Variants in SWT1 observed in about 807,000 individuals in gnomAD.
The protein encoded by SWT1 is SWT1 RNA endoribonuclease homolog, also known as transcriptional protein SWT1.
In SWT1, 33 loss-of-function variants were observed where a neutral mutation model predicts 107.3. The observed-to-expected ratio is 0.31, with a 90% CI of 0.23 to 0.41. The LOEUF (loss-of-function observed/expected upper bound fraction) is 0.41, where lower values mean the gene tolerates loss of function less well. Among genes scored for constraint, SWT1 ranks in the 10% least tolerant of loss-of-function variants. The probability of loss-of-function intolerance (pLI) is 1.00; values close to 1 mark genes in which losing one functional copy is unlikely to be tolerated. For synonymous variants in SWT1, 345 were observed against 348.3 expected, an observed-to-expected ratio of 0.99 and a Z score of 0.11; for missense variants, 898 against 1,028.9, an observed-to-expected ratio of 0.87 and a Z score of 1.74.
In SWT1 at chr1:185,186,381, G is replaced by A. The variant is rs530418511; in HGVS notation, c.1429+1450G>A. On this transcript the variant is annotated intron_variant, in intron 9 of 18. Coordinates refer to ENST00000367500, the MANE Select transcript of SWT1 (RefSeq NM_017673.7). ...AAGAGCAGTATTTAGCAATGTGCTT[G>A]AATAAGCCTAAGGATAATAATTGTC... Among the ~76,000 whole-genome samples the A allele has an allele frequency of 2.6e-5, 4 of 152,256 alleles. No homozygotes were observed. The East Asian group carries it at 7.7e-4, about 29-fold the overall frequency.
chr1:185,261,372 TG>T (rs1558085643), intron 16 of SWT1, among the ~76,000 whole-genome samples: 1 of 152,232 alleles, frequency 6.6e-6, no homozygotes, highest in African/African-American at 2.4e-5. Context: ...TTCCATTATA[TG>T]TGTATACCAC....
chr1:185,160,014 C>A (rs577228080), intron 1 of SWT1, among the ~76,000 whole-genome samples: 1 of 152,250 alleles, frequency 6.6e-6, no homozygotes, highest in East Asian at 1.9e-4. Context: ...AGCCGTGGTG[C>A]CCAGCCACAA....
chr1:185,285,428 T>C (rs1350397369), intron 18 of SWT1, among the ~76,000 whole-genome samples: 1 of 152,234 alleles, frequency 6.6e-6, no homozygotes, highest in Non-Finnish European at 1.5e-5. Context: ...CAACATGTTA[T>C]ATATTCTGGA....
intron 16 of SWT1, among the ~76,000 whole-genome samples, chr1:185,258,728 TTTCAAGA>T (rs1469994328): frequency 2.0e-5 from 3 of 152,248 alleles, no homozygotes; most frequent in Non-Finnish European, 4.4e-5. Context: ...TCCTGAATGC[TTTCAAGA>T]TTTTTCTCTG....
intron 2 of SWT1, among the ~76,000 whole-genome samples, chr1:185,165,727 C>A (rs929794764): frequency 6.6e-6 from 1 of 152,234 alleles, no homozygotes; most frequent in African/African-American, 2.4e-5. Flanking sequence ...ATCCCATCCC[C>A]CTGACACTCT....
chr1:185,184,251 ACTT>A lies in SWT1; in HGVS notation c.1149_1151del (p.Ser384del). The stretch of plus-strand genomic sequence containing the variant: ...TTGCTCTTTTTCTTTAGCAAATAAT[ACTT>A]CAGACAGAAAGCTTCTAATTGTTAT... On this transcript the variant is annotated inframe_deletion, in exon 8 of 19. Transcript: ENST00000367500. 6.6e-7 allele frequency: 1 copy of A among 1,516,488 alleles called. No homozygotes were observed. Among genetic ancestry groups the A allele is most frequent in the Non-Finnish European group, 9.0e-7 (1 of 1,109,310 alleles). 93.9% of individuals were successfully genotyped at this position (1,516,488 alleles called of 1,614,324 possible).
At chr1:185,185,283 G>A (rs1482640399) in intron 9 of SWT1, among the ~76,000 whole-genome samples, 1 of 152,154 alleles carries the variant, frequency 6.6e-6, no homozygotes. Flanking sequence ...ACCATATGCA[G>A]TTAATGTACT....
chr1:185,226,642 T>C lies in SWT1; in HGVS notation c.2309+4606T>C, dbSNP rs1242866367. Among the ~76,000 whole-genome samples the C allele has an allele frequency of 5.9e-5, 9 of 152,138 alleles. No individual in the cohort carries two copies. The East Asian group carries it at 1.7e-3, about 29-fold the overall frequency. Reference sequence around the variant, plus strand: ...TCTTTTCTACTTACAAGGAATTTAGTTAAGTGTTAGATACTACTGATTCAA... The same window carrying C: ...TCTTTTCTACTTACAAGGAATTTAGCTAAGTGTTAGATACTACTGATTCAA... On this transcript the variant is annotated intron_variant, in intron 15 of 18. Coordinates refer to ENST00000367500, the MANE Select transcript of SWT1 (RefSeq NM_017673.7).
chr1:185,194,335 C>T lies in SWT1; in HGVS notation c.1523+3693C>T, dbSNP rs530519301. ...CAAATAATTTTCTATTTGTTTTGTT[C>T]CATCTGTGCTTTTCTTCCTTTTTCT... On this transcript the variant is annotated intron_variant, in intron 10 of 18. Coordinates refer to ENST00000367500, the MANE Select transcript of SWT1 (RefSeq NM_017673.7). Among the ~76,000 whole-genome samples the T allele has an allele frequency of 1.3e-5, 2 of 151,782 alleles. 1 individual carries two copies. The highest frequency in any genetic ancestry group is 4.2e-4 in the South Asian group (2 of 4,816).
chr1:185,196,226 C>T (rs913725328), intron 10 of SWT1, among the ~76,000 whole-genome samples: 1 of 152,162 alleles, frequency 6.6e-6, no homozygotes, highest in Non-Finnish European at 1.5e-5. Context: ...GCCAGTTTTC[C>T]CAACACCATT....
intron 11 of SWT1, among the ~76,000 whole-genome samples, chr1:185,204,090 G>A (rs549403501): frequency 6.6e-6 from 1 of 152,302 alleles, no homozygotes; most frequent in Non-Finnish European, 1.5e-5. Context: ...TTTTAAAGGA[G>A]GAGGGCATGA....
intron 16 of SWT1, chr1:185,262,361 C>T (rs1663078865): frequency 6.6e-6 from 1 of 152,224 alleles, no homozygotes; most frequent in Non-Finnish European, 1.5e-5. Flanking sequence ...GCAGTACCAG[C>T]ATCCCAAGTA....
chr1:185,235,774 C>T (rs1251872160), intron 16 of SWT1, among the ~76,000 whole-genome samples: 2 of 152,176 alleles, frequency 1.3e-5, no homozygotes, highest in Non-Finnish European at 2.9e-5. Flanking sequence ...TCTCCGTTTG[C>T]AGATGACATG....
At chr1:185,281,433 AC>A (rs1664610357) in intron 18 of SWT1, 1 of 209,654 alleles carries the variant, frequency 4.8e-6, no homozygotes, top group Non-Finnish European at 9.9e-6. Flanking sequence ...CAAAGACACT[AC>A]CGTGGGTACT....
rs146160289 is a variant in SWT1 at position 185,171,663 on chromosome 1, T to G, written c.225-2709T>G. ...TCAAGAGTGAACTTCAGAACCTGCT[T>G]CTTTTTTTTTTGCCCCCCTTTACCA... On this transcript the variant is annotated intron_variant, in intron 4 of 18. Transcript: ENST00000367500. 1,702 of 523,546 alleles carry G rather than the reference T, an allele frequency of 3.3e-3. 24 individuals are homozygous for G. The highest frequency in any genetic ancestry group is 0.03 in the African/African-American group (1,554 of 51,630). The allele number at this position is 523,546 out of a possible 1,614,324, so 32.4% of individuals were successfully genotyped here. A position where few individuals can be genotyped will look rare whatever the true frequency, so the allele number is the denominator to read the frequency against.
At chr1:185,268,225 A>G (rs1663546863) in intron 16 of SWT1, among the ~76,000 whole-genome samples, 2 of 152,236 alleles carry the variant, frequency 1.3e-5, no homozygotes. Flanking sequence ...TAAAAGTAAT[A>G]TAGCTGTGAA....
At position 185,228,164 on chromosome 1, in the gene SWT1, A is replaced by ATGT. The variant is rs1660218384; in HGVS notation, c.2310-3413_2310-3412insTGT. On this transcript the variant is annotated intron_variant, in intron 15 of 18. Coordinates refer to ENST00000367500, the MANE Select transcript of SWT1 (RefSeq NM_017673.7). ...TAAACAGTATGTCACATTAAAAAAA[A>ATGT]ATGTGTATATATATATATATATATA... Among the ~76,000 whole-genome samples the ATGT allele has an allele frequency of 8.9e-5, 10 of 112,210 alleles. No homozygotes were observed. The East Asian group carries it at 1.8e-3, about 20-fold the overall frequency. 73.6% of individuals were successfully genotyped at this position (112,210 alleles called of 152,430 possible). A position where few individuals can be genotyped will look rare whatever the true frequency, so the allele number is the denominator to read the frequency against.
chr1:185,239,813 T>G (rs1316126106), intron 16 of SWT1, among the ~76,000 whole-genome samples: 1 of 152,086 alleles, frequency 6.6e-6, no homozygotes, highest in Non-Finnish European at 1.5e-5. Context: ...AAGTAACTCT[T>G]AAGACCACAG....
At chr1:185,262,855 T>C (rs2095610) in intron 16 of SWT1, among the ~76,000 whole-genome samples, 77,214 of 150,642 alleles carry the variant, frequency 0.51, 21,146 homozygotes, top group African/African-American at 0.72. Context: ...GGCATGATCT[T>C]GGCTCACTGC....
Sources: allele counts gnomAD v4.1 joint callset (sites outside exome capture counted in the v4.1 genomes callset), GRCh38; gene constraint gnomAD v4.1.1; transcripts MANE v1.5; gene names NCBI Gene and HGNC (gene_info 2026-07-23, HGNC 2026-07-21).